PPFIA2: variants seen among roughly 807,000 people sequenced by gnomAD.
PPFIA2 encodes liprin-alpha-2.
In PPFIA2, 46 loss-of-function variants were observed where a neutral mutation model predicts 175.5. That is an observed-to-expected ratio of 0.26 (90% CI 0.21 to 0.34). The LOEUF (loss-of-function observed/expected upper bound fraction) is 0.34. PPFIA2 is among the 10% of genes least tolerant of loss of function. The pLI is 1.00. For missense variants in PPFIA2, 1,179 were observed against 1,506.1 expected, an observed-to-expected ratio of 0.78 and a Z score of 3.60; for synonymous variants, 568 against 511.4, an observed-to-expected ratio of 1.11 and a Z score of -1.49.
In PPFIA2 at chr12:81,299,503, A is replaced by G. The variant is rs1369558932; in HGVS notation, c.2643-121T>C. 2.4e-6 allele frequency: 3 copies of G among 1,270,592 alleles called. No homozygotes were observed. The Admixed American group carries it at 8.0e-5, about 34-fold the overall frequency. 78.7% of individuals were successfully genotyped at this position (1,270,592 alleles called of 1,614,324 possible). A position where few individuals can be genotyped will look rare whatever the true frequency, so the allele number is the denominator to read the frequency against. ...TACAAGATTTTTTATGATACAATAT[A>G]GAATAACAGAATTCCTTATTCCTTT... On this transcript the variant is annotated intron_variant, in intron 22 of 32. Transcript: ENST00000549396.
intron 4 of PPFIA2, among the ~76,000 whole-genome samples, chr12:81,503,248 T>C (rs1164725188): frequency 6.6e-6 from 1 of 152,130 alleles, no homozygotes; most frequent in African/African-American, 2.4e-5. Flanking sequence ...TTATTTTTCC[T>C]TTTAGAAGCT....
intron 7 of PPFIA2, among the ~76,000 whole-genome samples, chr12:81,421,144 A>G (rs899298924): frequency 3.3e-5 from 5 of 152,154 alleles, no homozygotes; most frequent in Admixed American, 3.3e-4. Context: ...TCAACTATAG[A>G]CCTGCCTTAA....
At chr12:81,286,417 T>C (rs2043427112) in intron 24 of PPFIA2, among the ~76,000 whole-genome samples, 1 of 152,068 alleles carries the variant, frequency 6.6e-6, no homozygotes, top group South Asian at 2.1e-4. Flanking sequence ...TCTTTTATAC[T>C]ATATTTTTAC....
intron 10 of PPFIA2, 60 bp downstream of exon 10, chr12:81,375,736 G>A (rs749537004): frequency 2.1e-5 from 31 of 1,499,958 alleles, no homozygotes; most frequent in South Asian, 1.4e-4. Flanking sequence ...TATTTACTCC[G>A]TTTTGTGAGA....
intron 22 of PPFIA2, among the ~76,000 whole-genome samples, chr12:81,319,538 G>A (rs1044841785): frequency 1.3e-5 from 2 of 151,780 alleles, no homozygotes; most frequent in Non-Finnish European, 3.0e-5. Context: ...GTTCTAAAAT[G>A]TTGTATATTA....
chr12:81,729,703 T>C (rs1840560836), intron 3 of PPFIA2, among the ~76,000 whole-genome samples: 2 of 151,436 alleles, frequency 1.3e-5, no homozygotes, highest in African/African-American at 4.8e-5. Context: ...GCCTTAAAAG[T>C]AGCAACATTT....
chr12:81,418,276 T>TA (rs1037599362), intron 7 of PPFIA2, among the ~76,000 whole-genome samples: 1 of 151,876 alleles, frequency 6.6e-6, no homozygotes, highest in African/African-American at 2.4e-5. Flanking sequence ...TGGAACCAAG[T>TA]AAATACTCTA....
At chr12:81,260,124 A>G (rs993976599) in intron 32 of PPFIA2, 7 of 152,566 alleles carry the variant, frequency 4.6e-5, no homozygotes, top group African/African-American at 1.7e-4. Context: ...GGCATTGCTG[A>G]TTGTTTTCAG....
At chr12:81,473,255 A>G (rs937411835) in intron 4 of PPFIA2, among the ~76,000 whole-genome samples, 12 of 152,032 alleles carry the variant, frequency 7.9e-5, no homozygotes, top group Admixed American at 2.0e-4. Flanking sequence ...CAAAAATACA[A>G]AAATTAGCTG....
chr12:81,450,321 T>C (rs2052293299), intron 5 of PPFIA2, among the ~76,000 whole-genome samples: 1 of 152,232 alleles, frequency 6.6e-6, no homozygotes, highest in East Asian at 1.9e-4. Context: ...CACTTTGTAA[T>C]GATTGCCATT....
intron 4 of PPFIA2, among the ~76,000 whole-genome samples, chr12:81,673,504 C>T (rs114910863): frequency 1.2e-3 from 189 of 152,064 alleles, no homozygotes; most frequent in African/African-American, 4.1e-3. Context: ...AATTTAATAA[C>T]GAATTTTGCA....
chr12:81,586,429 C>T (rs1477775184), intron 4 of PPFIA2, among the ~76,000 whole-genome samples: 2 of 151,782 alleles, frequency 1.3e-5, no homozygotes, highest in African/African-American at 4.8e-5. Flanking sequence ...ATGTTGTATG[C>T]AGCACTTAGC....
chr12:81,580,960 C>T (rs909004106), intron 4 of PPFIA2, among the ~76,000 whole-genome samples: 6 of 151,620 alleles, frequency 4.0e-5, no homozygotes, highest in East Asian at 1.9e-4. Context: ...TTGAGGTAAG[C>T]GCAACATTAT....
chr12:81,443,009 C>G (rs183764284), intron 6 of PPFIA2, among the ~76,000 whole-genome samples: 1 of 149,554 alleles, frequency 6.7e-6, no homozygotes, highest in African/African-American at 2.4e-5. Context: ...ATATGAGTCC[C>G]TCGACAACTA....
chr12:81,646,887 G>A (rs548653213), intron 4 of PPFIA2, among the ~76,000 whole-genome samples: 3 of 151,604 alleles, frequency 2.0e-5, no homozygotes, highest in African/African-American at 7.3e-5. Context: ...AGGAAGGGAA[G>A]GAGATGAAGG....
At chr12:81,293,052 T>C (rs888457814) in intron 24 of PPFIA2, among the ~76,000 whole-genome samples, 1 of 152,008 alleles carries the variant, frequency 6.6e-6, no homozygotes. Flanking sequence ...TTTAAGATCA[T>C]GTATAAAAAA....
chr12:81,360,855 T>C (rs1405879540), intron 15 of PPFIA2, among the ~76,000 whole-genome samples: 1 of 151,772 alleles, frequency 6.6e-6, no homozygotes, highest in Non-Finnish European at 1.5e-5. Flanking sequence ...TTACTATACA[T>C]ATAATCCCTA....
intron 14 of PPFIA2, among the ~76,000 whole-genome samples, chr12:81,364,777 T>A (rs1323855790): frequency 6.6e-6 from 1 of 151,640 alleles, no homozygotes; most frequent in Non-Finnish European, 1.5e-5. Context: ...AGAGTAGAAA[T>A]AAGAGGATTT....
intron 3 of PPFIA2, among the ~76,000 whole-genome samples, chr12:81,743,410 T>A (rs1490898689): frequency 2.2e-3 from 15 of 6,846 alleles, no homozygotes; most frequent in Non-Finnish European, 4.7e-3. Flanking sequence ...AGACTCCGTC[T>A]CAAAAAAAAA....
Sources: allele counts gnomAD v4.1 joint callset (sites outside exome capture counted in the v4.1 genomes callset), GRCh38; gene constraint gnomAD v4.1.1; transcripts MANE v1.5; gene names NCBI Gene and HGNC (gene_info 2026-07-23, HGNC 2026-07-21).